The following SLC16A14 variants were observed in gnomAD, a reference collection of about 807,000 sequenced individuals.
SLC16A14 encodes the protein solute carrier family 16 member 14.
SLC16A14 carries 14 observed loss-of-function variants against 35.8 expected under a neutral mutation model. That is an observed-to-expected ratio of 0.39 (90% confidence interval 0.26 to 0.61). The LOEUF (loss-of-function observed/expected upper bound fraction) is 0.61, where lower values mean the gene tolerates loss of function less well. SLC16A14 is among the 20% of genes least tolerant of loss of function. SLC16A14 has a pLI of 0.51. For synonymous variants in SLC16A14, 248 were observed against 258.9 expected, an observed-to-expected ratio of 0.96 and a Z score of 0.40; for missense variants, 533 against 655.0, an observed-to-expected ratio of 0.81 and a Z score of 2.03.
chr2:230,046,327 A>G lies in SLC16A14; in HGVS notation c.799T>C (p.Cys267Arg). The change falls in exon 4 of 5, where the codon TGC (cysteine) becomes CGC (arginine). Residue 267 changes from cysteine to arginine, a missense_variant. Coordinates refer to ENST00000295190, the MANE Select transcript of SLC16A14 (RefSeq NM_152527.5). This position sits in a 1 kb window ranked among gnomAD's most constrained non-coding sequence, Gnocchi z 5.0. ...TTCCTGTGCCCGGCCTGATCGGGGC[A>G]CTCCTGGGCTTGCAGGTCGCAGAGG... ...ETLCDLQAQE[C>R]PDQAGHRKNM... is the part of the protein sequence containing the mutation. The G allele has an allele frequency of 1.2e-6, 2 of 1,613,966 alleles. No homozygotes were observed. The highest frequency in any genetic ancestry group is 1.7e-6 in the Non-Finnish European group (2 of 1,179,958).
At chr2:230,054,213 C>T (rs1437394668) in intron 2 of SLC16A14, among the ~76,000 whole-genome samples, 1 of 152,080 alleles carries the variant, frequency 6.6e-6, no homozygotes, top group Non-Finnish European at 1.5e-5. Context: ...AATAGGGCAT[C>T]CCCCAAGAAT....
At chr2:230,041,580 T>G (rs1018143666) in intron 4 of SLC16A14, among the ~76,000 whole-genome samples, 5 of 152,050 alleles carry the variant, frequency 3.3e-5, no homozygotes, top group Non-Finnish European at 7.4e-5. Flanking sequence ...TCCGCCCATC[T>G]CCGCCTCTCA....
In SLC16A14 at chr2:230,038,887, A is replaced by G. The variant is rs956624180; in HGVS notation, c.1382-1356T>C. Among the ~76,000 whole-genome samples the G allele has an allele frequency of 6.6e-6, 1 of 152,208 alleles. No individual in the cohort carries two copies. The highest frequency in any genetic ancestry group is 2.4e-5 in the African/African-American group (1 of 41,462). ...GTGCCACCGCACTCCAGCCTGGGCA[A>G]CAGAGCAAGACTCCATCTCAAAAAA... On this transcript the variant is annotated intron_variant, in intron 4 of 4. Transcript: ENST00000295190. The surrounding 1 kb of genome is among the most constrained non-coding windows in gnomAD (Gnocchi z 4.4).
At position 230,036,036 on chromosome 2, in the gene SLC16A14, T is replaced by G. The variant is rs1189845729; in HGVS notation, c.*1344A>C. ...GTATTCACTTTAGGTAAATTTGACC[T>G]AAGACACTGGCAATGATATTCAAGG... is the stretch of plus-strand genomic sequence containing the variant. On this transcript the variant is annotated 3_prime_UTR_variant, in exon 5 of 5. Coordinates refer to ENST00000295190, the MANE Select transcript of SLC16A14 (RefSeq NM_152527.5). 6.6e-6 allele frequency: 1 copy of G among 152,638 alleles called. No homozygotes were observed. The highest frequency in any genetic ancestry group is 1.5e-5 in the Non-Finnish European group (1 of 68,034). 9.5% of individuals were successfully genotyped at this position (152,638 alleles called of 1,614,324 possible). A position where few individuals can be genotyped will look rare whatever the true frequency, so the allele number is the denominator to read the frequency against.
chr2:230,035,647 A>G lies in SLC16A14; in HGVS notation c.*1733T>C, dbSNP rs2077514206. ...GATAACACATAGGTTGTTGTGTTGA[A>G]CCAAATGGAGTATGACATGCAATCT... On this transcript the variant is annotated 3_prime_UTR_variant, in exon 5 of 5. Transcript: ENST00000295190. The G allele has an allele frequency of 6.6e-6, 1 of 152,228 alleles. No homozygotes were observed. The highest frequency in any genetic ancestry group is 1.5e-5 in the Non-Finnish European group (1 of 68,042). 9.4% of individuals were successfully genotyped at this position (152,228 alleles called of 1,614,324 possible). A position where few individuals can be genotyped will look rare whatever the true frequency, so the allele number is the denominator to read the frequency against.
rs112780319 is a variant in SLC16A14, at chr2:230,068,360, C to T, written c.-15+195G>A. 1.3e-3 allele frequency: 195 copies of T among 152,656 alleles called. 2 individuals are homozygous for T. Among genetic ancestry groups the T allele is most frequent in the Non-Finnish European group, 2.0e-3 (137 of 68,306 alleles). 9.5% of individuals were successfully genotyped at this position (152,656 alleles called of 1,614,324 possible). The stretch of plus-strand genomic sequence containing the variant: ...GCAGCTCCCAAGCCCCCGCGGCGGC[C>T]TTGGCACTACCACCTGCCCCGGCAC... On this transcript the variant is annotated intron_variant, in intron 1 of 4. Transcript: ENST00000295190. This position sits in a 1 kb window ranked among gnomAD's most constrained non-coding sequence, Gnocchi z 5.1.
intron 1 of SLC16A14, among the ~76,000 whole-genome samples, chr2:230,060,688 G>GTT (rs1225152648): frequency 7.6e-6 from 1 of 130,728 alleles, no homozygotes; most frequent in African/African-American, 3.0e-5. Context: ...GTTTTTTTTG[G>GTT]GGGGAGGGGA....
In SLC16A14 at chr2:230,045,896, G is replaced by A. The variant is rs1383111003; in HGVS notation, c.1230C>T (p.Val410=). 1 of 1,612,648 alleles carries A rather than the reference G, an allele frequency of 6.2e-7. No individual in the cohort carries two copies. The highest frequency in any genetic ancestry group is 8.5e-7 in the Non-Finnish European group (1 of 1,178,778). ...PLMHTYAGLA[V]ICALIGFSSG... The stretch of plus-strand genomic sequence containing the variant: ...TGGAAAACCCTATCAGCGCACAGAT[G>A]ACCGCCAGGCCAGCGTACGTGTGCA... Residue 410 remains valine (V), a synonymous_variant, in exon 4 of 5, where the codon GTC becomes GTT. Coordinates refer to ENST00000295190, the MANE Select transcript of SLC16A14 (RefSeq NM_152527.5).
At chr2:230,066,332 T>G (rs985488415) in intron 1 of SLC16A14, among the ~76,000 whole-genome samples, 1 of 151,674 alleles carries the variant, frequency 6.6e-6, no homozygotes, top group African/African-American at 2.4e-5. Context: ...GGTAACCCAC[T>G]CTAAGCAAGC....
At chr2:230,037,930 C>T (rs1297383413) in intron 4 of SLC16A14, among the ~76,000 whole-genome samples, 4 of 152,154 alleles carry the variant, frequency 2.6e-5, no homozygotes, top group Admixed American at 6.5e-5. Context: ...AGTGCAAACA[C>T]GCATTTTTCT....
chr2:230,039,014 A>G (rs1194163523), intron 4 of SLC16A14, among the ~76,000 whole-genome samples: 2 of 152,124 alleles, frequency 1.3e-5, no homozygotes, highest in African/African-American at 2.4e-5. Flanking sequence ...ATGAATGCGT[A>G]AATGCACTTA....
intron 4 of SLC16A14, among the ~76,000 whole-genome samples, chr2:230,041,200 T>C (rs781601998): frequency 5.3e-5 from 8 of 152,196 alleles, no homozygotes; most frequent in Non-Finnish European, 1.2e-4. Flanking sequence ...TGCAAATTAT[T>C]GTTAAGGTGT....
rs1233528121 is a variant in SLC16A14, at chr2:230,038,170, TTA to T, written c.1382-641_1382-640del. Among the ~76,000 whole-genome samples, 6 of 152,216 alleles carry T rather than the reference TTA, an allele frequency of 3.9e-5. No homozygotes were observed. The highest frequency in any genetic ancestry group is 5.9e-5 in the Non-Finnish European group (4 of 68,040). ...GATACTGCCATAGATGCTGACTAAA[TTA>T]TGTTATTTTCAAATAATAATTTAAT... On this transcript the variant is annotated intron_variant, in intron 4 of 4. Transcript: ENST00000295190. The surrounding 1 kb of genome is among the most constrained non-coding windows in gnomAD (Gnocchi z 4.4).
At position 230,046,769 on chromosome 2, in the gene SLC16A14, G is replaced by T. The variant is rs745368131; in HGVS notation, c.404-47C>A. On this transcript the variant is annotated intron_variant, in intron 3 of 4. Transcript: ENST00000295190. The surrounding 1 kb of genome is among the most constrained non-coding windows in gnomAD (Gnocchi z 5.0). ...AGAAAAGACACAGTGCAACATCAGT[G>T]GCCATATCCAGAATTCGCAGCAAAG... is the stretch of plus-strand genomic sequence containing the variant. The T allele has an allele frequency of 6.6e-6, 10 of 1,524,462 alleles. No individual in the cohort carries two copies. Among genetic ancestry groups the T allele is most frequent in the Non-Finnish European group, 8.8e-6 (10 of 1,142,728 alleles). The allele number at this position is 1,524,462 out of a possible 1,614,324, so 94.4% of individuals were successfully genotyped here.
Position 230,059,167 on chromosome 2 carries a change from C to T in SLC16A14, c.186G>A (p.Leu62=). Residue 62 remains leucine (L), a synonymous_variant, in exon 2 of 5, where the codon CTG becomes CTA. Transcript: ENST00000295190. ...MALGVLNVEW[L]EEFHQSRGLT... ...GGCCGCGGCTCTGGTGGAATTCTTC[C>T]AGCCATTCCACGTTGAGGACACCCA... The T allele has an allele frequency of 6.2e-7, 1 of 1,614,168 alleles. No individual in the cohort carries two copies. The highest frequency in any genetic ancestry group is 2.2e-5 in the East Asian group (1 of 44,878).
At chr2:230,037,653 C>T in intron 4 of SLC16A14, 122 bp from the exon 5 acceptor site, 2 of 763,484 alleles carry the variant, frequency 2.6e-6, no homozygotes, top group African/African-American at 1.8e-5. Flanking sequence ...TCATTTCATA[C>T]CAATAAAATG....
In SLC16A14 at chr2:230,054,087, G is replaced by GGC. The variant is rs71769855; in HGVS notation, c.260-4184_260-4183insGC. Among the ~76,000 whole-genome samples, 321 of 84,392 alleles carry GGC rather than the reference G, an allele frequency of 3.8e-3. 3 individuals carry two copies. The highest frequency in any genetic ancestry group is 0.011 in the African/African-American group (290 of 25,758). 55.4% of individuals were successfully genotyped at this position (84,392 alleles called of 152,430 possible). On this transcript the variant is annotated intron_variant, in intron 2 of 4. Transcript: ENST00000295190. Reference sequence around the variant, plus strand: ...GCCCATCCCAGGTGCAGCCTGAGGTGGGGGGGGAAGTTAAAGCTCCCCAGG... The same window carrying GGC: ...GCCCATCCCAGGTGCAGCCTGAGGTGGCGGGGGGGAAGTTAAAGCTCCCCAGG...
chr2:230,064,901 T>A (rs2077780832), intron 1 of SLC16A14, among the ~76,000 whole-genome samples: 1 of 151,990 alleles, frequency 6.6e-6, no homozygotes. Flanking sequence ...TCCCAGCTAC[T>A]CGGGAGGCTG....
rs1007438097 is a variant in SLC16A14 at position 230,035,575 on chromosome 2, T to C, written c.*1805A>G. ...ATTGCCTCAGCTTTAAGATTATCTTTATCAAAATAGAGAGCTGGATTCTTT... is the reference window on the plus strand; with the variant it reads ...ATTGCCTCAGCTTTAAGATTATCTTCATCAAAATAGAGAGCTGGATTCTTT... On this transcript the variant is annotated 3_prime_UTR_variant, in exon 5 of 5. Transcript: ENST00000295190. 6.6e-6 allele frequency: 1 copy of C among 152,438 alleles called. No individual in the cohort carries two copies. The highest frequency in any genetic ancestry group is 1.5e-5 in the Non-Finnish European group (1 of 68,038). The allele number at this position is 152,438 out of a possible 1,614,324, so 9.4% of individuals were successfully genotyped here.
Sources: allele counts gnomAD v4.1 joint callset (sites outside exome capture counted in the v4.1 genomes callset), GRCh38; gene constraint gnomAD v4.1.1; non-coding constraint Gnocchi (gnomAD v3.1); transcripts MANE v1.5; gene names NCBI Gene and HGNC (gene_info 2026-07-23, HGNC 2026-07-21).